Variants in CLEC17A observed in about 807,000 individuals in gnomAD.
The protein encoded by CLEC17A is C-type lectin domain family 17, member A.
Under a neutral mutation model 61.3 loss-of-function variants are expected in CLEC17A, and 37 were observed. The ratio of observed to expected loss-of-function variants is 0.60; its 90% CI spans 0.46 to 0.79. CLEC17A has a LOEUF of 0.79. CLEC17A is among the 30% of genes least tolerant of loss of function. The pLI, the probability that CLEC17A is intolerant of heterozygous loss-of-function variation, is 0.00. For missense variants in CLEC17A, 418 were observed against 464.7 expected, an observed-to-expected ratio of 0.90 and a Z score of 0.92; for synonymous variants, 168 against 164.9, an observed-to-expected ratio of 1.02 and a Z score of -0.14.
At chr19:14,597,934 G>C (rs2074588775) in intron 10 of CLEC17A, among the ~76,000 whole-genome samples, 1 of 152,186 alleles carries the variant, frequency 6.6e-6, no homozygotes, top group Non-Finnish European at 1.5e-5. Flanking sequence ...TACTGAGCTA[G>C]CGAGTGTTGA....
intron 1 of CLEC17A, 45 bp from the exon 2 acceptor site, chr19:14,583,312 G>A: frequency 1.2e-6 from 2 of 1,608,956 alleles, no homozygotes; most frequent in Non-Finnish European, 1.7e-6. Context: ...GAGGGATGGA[G>A]GGAGGAGGGA....
At chr19:14,590,713 G>C (rs1310836789) in intron 3 of CLEC17A, among the ~76,000 whole-genome samples, 1 of 151,026 alleles carries the variant, frequency 6.6e-6, no homozygotes, top group Non-Finnish European at 1.5e-5. Context: ...TAAGAGTGGG[G>C]TCTCCTTCTG....
rs936590487 is a variant in CLEC17A at position 14,599,355 on chromosome 19, T to C, written c.647-362T>C. On this transcript the variant is annotated intron_variant, in intron 10 of 13. Coordinates refer to ENST00000417570, the MANE Select transcript of CLEC17A (RefSeq NM_001204118.2). ...CGCCCACCTCGGCCTCCCAAAGTGC[T>C]GGGATTACAGGTGTGAGCCACCATG... 3.3e-5 allele frequency among the ~76,000 whole-genome samples: 5 copies of C among 152,118 alleles called. No individual in the cohort carries two copies. In the East Asian group the frequency reaches 7.7e-4, roughly 23 times the overall value.
intron 13 of CLEC17A, among the ~76,000 whole-genome samples, chr19:14,608,551 G>A (rs768476082): frequency 4.6e-5 from 7 of 151,546 alleles, no homozygotes; most frequent in Non-Finnish European, 8.8e-5. Context: ...CAGTCTTTTC[G>A]TAAAACTGCT....
At chr19:14,606,941 C>T in intron 12 of CLEC17A, 52 bp from the exon 13 acceptor site, 1 of 999,948 alleles carries the variant, frequency 1.0e-6, no homozygotes, top group Middle Eastern at 2.3e-4. Context: ...CAGGTCCTCA[C>T]CCTGAGGGTC....
chr19:14,585,386 C>T (rs2074260702), intron 2 of CLEC17A, among the ~76,000 whole-genome samples: 1 of 152,262 alleles, frequency 6.6e-6, no homozygotes, highest in Non-Finnish European at 1.5e-5. Context: ...CTCTCAGGGC[C>T]TGTAAGTTCT....
chr19:14,590,208 A>G lies in CLEC17A; in HGVS notation c.200-2073A>G, dbSNP rs561033063. Among the ~76,000 whole-genome samples the G allele has an allele frequency of 2.0e-4, 30 of 150,686 alleles. 1 individual carries two copies. The East Asian group carries it at 5.6e-3, about 28-fold the overall frequency. On this transcript the variant is annotated intron_variant, in intron 3 of 13. Transcript: ENST00000417570. ...GTACTTCACCATGGAATGTGGGGGA[A>G]TACTTAACACCTATCCCCTTAACAT... is the stretch of plus-strand genomic sequence containing the variant.
At chr19:14,596,130 G>A (rs1036896861) in intron 8 of CLEC17A, among the ~76,000 whole-genome samples, 12 of 127,610 alleles carry the variant, frequency 9.4e-5, no homozygotes, top group African/African-American at 3.5e-4. Context: ...AATGTTCTCT[G>A]CTCTAGAAGC....
At chr19:14,608,842 C>T (rs978441814) in intron 13 of CLEC17A, among the ~76,000 whole-genome samples, 25 of 150,990 alleles carry the variant, frequency 1.7e-4, no homozygotes, top group African/African-American at 4.6e-4. Context: ...CTCTGTGGCC[C>T]GAGCTGTAGT....
Position 14,611,007 on chromosome 19 carries a change from T to TA in CLEC17A, c.*811_*812insA, listed in dbSNP as rs534326741. On this transcript the variant is annotated 3_prime_UTR_variant, in exon 14 of 14. Transcript: ENST00000417570. ...TACTTTCCCCATCTTTTCCTTTTTT[T>TA]TTTTTTTCCAAACAAAAGCTTTGAA... is the stretch of plus-strand genomic sequence containing the variant. The TA allele has an allele frequency of 2.0e-3, 299 of 151,948 alleles. 1 individual carries two copies. The highest frequency in any genetic ancestry group is 6.9e-3 in the African/African-American group (287 of 41,486). The allele number at this position is 151,948 out of a possible 1,614,324, so 9.4% of individuals were successfully genotyped here.
intron 4 of CLEC17A, 84 bp downstream of exon 4, chr19:14,592,442 C>T (rs761879044): frequency 7.6e-6 from 12 of 1,579,300 alleles, no homozygotes; most frequent in Middle Eastern, 1.7e-4. Flanking sequence ...TGTAGACACA[C>T]AGTCAGTCTC....
Position 14,600,164 on chromosome 19 carries a change from C to T in CLEC17A, c.876C>T (p.Ile292=). The change falls in exon 12 of 14, where the codon ATC becomes ATT. Residue 292 remains isoleucine, a synonymous_variant. Coordinates refer to ENST00000417570, the MANE Select transcript of CLEC17A (RefSeq NM_001204118.2). ...AGAATTACTCTCACTTGGTCATCAT[C>T]AATAGCTTTGCTGAGCACGTGAGTT... ...CQENYSHLVI[I]NSFAEHNFVA... The T allele has an allele frequency of 6.2e-7, 1 of 1,614,000 alleles. No homozygotes were observed. The highest frequency in any genetic ancestry group is 8.5e-7 in the Non-Finnish European group (1 of 1,179,882).
At chr19:14,604,308 G>A (rs1417861324) in intron 12 of CLEC17A, among the ~76,000 whole-genome samples, 3 of 152,018 alleles carry the variant, frequency 2.0e-5, no homozygotes, top group Non-Finnish European at 4.4e-5. Context: ...CTTCTCTCTG[G>A]GGCCTGCCAT....
intron 8 of CLEC17A, among the ~76,000 whole-genome samples, chr19:14,596,057 C>T (rs2074545123): frequency 3.7e-3 from 1 of 268 alleles, no homozygotes; most frequent in Non-Finnish European, 9.3e-3. Context: ...AAAGAAGCTT[C>T]TCCTCTCTGA....
At chr19:14,605,259 C>T (rs544592977) in intron 12 of CLEC17A, among the ~76,000 whole-genome samples, 49 of 152,176 alleles carry the variant, frequency 3.2e-4, no homozygotes, top group Middle Eastern at 3.4e-3. Context: ...CCACGCCTGG[C>T]TAATTTTTGT....
chr19:14,582,176 C>A (rs922912043), upstream of CLEC17A, among the ~76,000 whole-genome samples: 8 of 152,038 alleles, frequency 5.3e-5, no homozygotes, highest in Non-Finnish European at 7.4e-5. Context: ...TGTGTCAAAT[C>A]TCCTTCTGTT....
Position 14,607,052 on chromosome 19 carries a change from G to T in CLEC17A, c.954G>T (p.Arg318Ser). The stretch of plus-strand genomic sequence containing the variant: ...TGTACTGGCTGGGGCTGAATGACAG[G>T]GCCCAGGAAGGGGACTGGAGGTGGC... ...PRVYWLGLND[R>S]AQEGDWRWLD... The change falls in exon 13 of 14, where the codon AGG (arginine) becomes AGT (serine). Residue 318 changes from arginine to serine, a missense_variant. By Grantham distance (110) the Arg-to-Ser change is moderately radical. Transcript: ENST00000417570. The T allele has an allele frequency of 7.4e-7, 1 of 1,352,646 alleles. No individual in the cohort carries two copies. The highest frequency in any genetic ancestry group is 9.6e-7 in the Non-Finnish European group (1 of 1,044,876). 83.8% of individuals were successfully genotyped at this position (1,352,646 alleles called of 1,614,324 possible).
chr19:14,596,421 A>G (rs571529777), intron 8 of CLEC17A, among the ~76,000 whole-genome samples: 1 of 152,234 alleles, frequency 6.6e-6, no homozygotes, highest in Non-Finnish European at 1.5e-5. Flanking sequence ...TCTTGATGCC[A>G]GGAGTTCAAG....
At chr19:14,588,091 A>G (rs528457466) in intron 3 of CLEC17A, among the ~76,000 whole-genome samples, 14 of 152,172 alleles carry the variant, frequency 9.2e-5, no homozygotes, top group African/African-American at 2.2e-4. Context: ...TGGGCTCCCA[A>G]TCTCCTCACC....
Sources: allele counts gnomAD v4.1 joint callset (sites outside exome capture counted in the v4.1 genomes callset), GRCh38; gene constraint gnomAD v4.1.1; transcripts MANE v1.5; gene names NCBI Gene and HGNC (gene_info 2026-07-23, HGNC 2026-07-21).